The following KCNJ15 variants were observed in gnomAD, a reference collection of about 807,000 sequenced individuals.
The protein encoded by KCNJ15 is ATP-sensitive inward rectifier potassium channel 15.
Under a neutral mutation model 23.0 loss-of-function variants are expected in KCNJ15, and 14 were observed. The observed-to-expected ratio is 0.61, with a 90% confidence interval of 0.40 to 0.95. KCNJ15 has a LOEUF of 0.95. Ranked by LOEUF, KCNJ15 falls within the 40% of genes least tolerant of loss-of-function variation. The pLI is 0.00. For missense variants in KCNJ15, 388 were observed against 461.8 expected (o/e 0.84, Z 1.46); for synonymous variants, 185 against 183.2 (o/e 1.01, Z -0.08).
rs1985562254 is a variant in KCNJ15 at position 38,299,728 on chromosome 21, T to C, written c.467T>C (p.Ile156Thr). The C allele has an allele frequency of 1.2e-6, 2 of 1,614,164 alleles. No individual in the cohort carries two copies. Among genetic ancestry groups the C allele is most frequent in the Admixed American group, 1.7e-5 (1 of 60,024 alleles). ...GCTCAGTTGGTCATCACGACCTTGA[T>C]TGAGATCTTCATCACCGGAACCTTC... Reference protein sequence around the residue: ...LVAQLVITTLIEIFITGTFLA... With the variant: ...LVAQLVITTLTEIFITGTFLA... The change falls in exon 3 of 3, where the codon ATT becomes ACT. Residue 156 changes from isoleucine (I) to threonine (T), a missense_variant. Physicochemically the swap from Ile to Thr is moderately conservative, Grantham distance 89 (BLOSUM62 -1). Transcript: ENST00000398938. The surrounding 1 kb of genome is among the most constrained non-coding windows in gnomAD (Gnocchi z 4.5).
At chr21:38,288,664 G>A (rs1984244422) in intron 1 of KCNJ15, among the ~76,000 whole-genome samples, 1 of 152,212 alleles carries the variant, frequency 6.6e-6, no homozygotes, top group Non-Finnish European at 1.5e-5. Flanking sequence ...AAAGATAAAT[G>A]TGAGTGGTAA....
At position 38,300,295 on chromosome 21, in the gene KCNJ15, A is replaced by T; in HGVS notation, c.1034A>T (p.Asp345Val). The T allele has an allele frequency of 6.2e-7, 1 of 1,613,924 alleles. No individual in the cohort carries two copies. The highest frequency in any genetic ancestry group is 8.5e-7 in the Non-Finnish European group (1 of 1,179,766). Residue 345 changes from aspartate (D) to valine (V), a missense_variant, in exon 3 of 3, where the codon GAT becomes GTT. Coordinates refer to ENST00000398938, the MANE Select transcript of KCNJ15 (RefSeq NM_170736.3). Reference sequence around the variant, plus strand: ...CCAGATTGCACATTTTACTGTGCAGATTCTGAGAAACAGCAACTCGAGGAG... The same window carrying T: ...CCAGATTGCACATTTTACTGTGCAGTTTCTGAGAAACAGCAACTCGAGGAG... ...KSPDCTFYCA[D>V]SEKQQLEEKY...
At chr21:38,246,048 T>C (rs1979353165) in intron 1 of KCNJ15, among the ~76,000 whole-genome samples, 1 of 152,248 alleles carries the variant, frequency 6.6e-6, no homozygotes, top group Admixed American at 6.5e-5. Flanking sequence ...ATAATACCTG[T>C]CTTACATACT....
chr21:38,238,640 C>T, intron 1 of KCNJ15: 1 of 579,766 alleles, frequency 1.7e-6, no homozygotes. Flanking sequence ...GGGTTGTGGG[C>T]TGACACGGAA....
chr21:38,271,794 T>C (rs1435078470), intron 1 of KCNJ15, among the ~76,000 whole-genome samples: 3 of 152,130 alleles, frequency 2.0e-5, no homozygotes, highest in Non-Finnish European at 2.9e-5. Flanking sequence ...TAGGAACACA[T>C]GGCACAGGGA....
intron 1 of KCNJ15, among the ~76,000 whole-genome samples, chr21:38,237,829 C>T (rs938273328): frequency 1.6e-4 from 24 of 152,086 alleles, no homozygotes; most frequent in African/African-American, 5.8e-4. Context: ...AGAGAGCTAC[C>T]CTTTGGGACA....
At chr21:38,242,635 G>A (rs971873463) in intron 1 of KCNJ15, among the ~76,000 whole-genome samples, 10 of 152,116 alleles carry the variant, frequency 6.6e-5, no homozygotes, top group African/African-American at 2.2e-4. Context: ...CACACGCCCA[G>A]CATCTCTCTT....
intron 1 of KCNJ15, among the ~76,000 whole-genome samples, chr21:38,280,025 C>G (rs1271264071): frequency 1.3e-5 from 2 of 152,132 alleles, no homozygotes; most frequent in Non-Finnish European, 2.9e-5. Context: ...GGAACAACTC[C>G]CCTCAAGTGG....
intron 1 of KCNJ15, among the ~76,000 whole-genome samples, chr21:38,250,843 A>G (rs1430321278): frequency 1.3e-5 from 2 of 152,244 alleles, no homozygotes; most frequent in African/African-American, 4.8e-5. Flanking sequence ...TCAGGGTGAT[A>G]ATCGCATTTT....
Position 38,291,246 on chromosome 21 carries a change from T to G in KCNJ15, c.-116-5680T>G, listed in dbSNP as rs1342580123. Among the ~76,000 whole-genome samples, 8 of 152,148 alleles carry G rather than the reference T, an allele frequency of 5.3e-5. 1 individual carries two copies. Among genetic ancestry groups the G allele is most frequent in the African/African-American group, 1.9e-4 (8 of 41,428 alleles). The stretch of plus-strand genomic sequence containing the variant: ...CACACTTCAGCAAGAGAACCCCTAA[T>G]GTCCTCCAGCCTTAACTTTCCCATC... On this transcript the variant is annotated intron_variant, in intron 1 of 2. Coordinates refer to ENST00000398938, the MANE Select transcript of KCNJ15 (RefSeq NM_170736.3).
chr21:38,261,812 TA>T (rs1379674639), intron 1 of KCNJ15, among the ~76,000 whole-genome samples: 3 of 152,320 alleles, frequency 2.0e-5, no homozygotes, highest in East Asian at 3.9e-4. Flanking sequence ...CCTAGAATGG[TA>T]TTGAATGCAT....
At position 38,300,473 on chromosome 21, in the gene KCNJ15, G is replaced by GA. The variant is rs1985681743; in HGVS notation, c.*88dup. 1.6e-6 allele frequency: 2 copies of GA among 1,250,878 alleles called. No individual in the cohort carries two copies. The highest frequency in any genetic ancestry group is 3.0e-5 in the South Asian group (2 of 67,086). 77.5% of individuals were successfully genotyped at this position (1,250,878 alleles called of 1,614,324 possible). A position where few individuals can be genotyped will look rare whatever the true frequency, so the allele number is the denominator to read the frequency against. ...CAAACACAAAGATTGCTGTGAAAAC[G>GA]AAAATGTGTAGACGCACTCTCAAAA... On this transcript the variant is annotated 3_prime_UTR_variant, in exon 3 of 3. Transcript: ENST00000398938.
chr21:38,230,145 T>G (rs7283194), intron 1 of KCNJ15, among the ~76,000 whole-genome samples: 9,763 of 152,188 alleles, frequency 0.064, 678 homozygotes, highest in African/African-American at 0.17. Context: ...TTACCACCCA[T>G]AACGTTTGAA....
In KCNJ15 at chr21:38,306,566, C is replaced by T. The variant is rs1191942078; in HGVS notation, c.*6177C>T. 6.6e-6 allele frequency: 1 copy of T among 152,128 alleles called. No homozygotes were observed. The highest frequency in any genetic ancestry group is 1.9e-4 in the East Asian group (1 of 5,192). 9.4% of individuals were successfully genotyped at this position (152,128 alleles called of 1,614,324 possible). On this transcript the variant is annotated 3_prime_UTR_variant, in exon 3 of 3. Coordinates refer to ENST00000398938, the MANE Select transcript of KCNJ15 (RefSeq NM_170736.3). Reference sequence around the variant, plus strand: ...TGTATTCTTTCATCTGCAATCAAATCTCAGGATTAAGGATGTCGTATTACA... The same window carrying T: ...TGTATTCTTTCATCTGCAATCAAATTTCAGGATTAAGGATGTCGTATTACA...
rs569109377 is a variant in KCNJ15 at position 38,297,889 on chromosome 21, C to G, written c.-19+866C>G. On this transcript the variant is annotated intron_variant, in intron 2 of 2. Transcript: ENST00000398938. ...AGGAAAATTAAAATGCCCAGCAGAC[C>G]CATTGCCTCCTGAACAGGTGTTTGC... is the stretch of plus-strand genomic sequence containing the variant. Among the ~76,000 whole-genome samples, 275 of 152,204 alleles carry G rather than the reference C, an allele frequency of 1.8e-3. 2 individuals are homozygous for G. Among genetic ancestry groups the G allele is most frequent in the African/African-American group, 6.1e-3 (252 of 41,524 alleles).
intron 1 of KCNJ15, among the ~76,000 whole-genome samples, chr21:38,296,263 G>A (rs935627149): frequency 1.4e-5 from 2 of 144,510 alleles, no homozygotes; most frequent in Non-Finnish European, 3.0e-5. Flanking sequence ...AGAGATAATT[G>A]ATAGATAATA....
chr21:38,245,891 G>A (rs1204620936), intron 1 of KCNJ15, among the ~76,000 whole-genome samples: 1 of 152,184 alleles, frequency 6.6e-6, no homozygotes, highest in Non-Finnish European at 1.5e-5. Context: ...ACTGAATTCA[G>A]AGGTGGCTGT....
At chr21:38,268,342 G>T (rs1981679237) in intron 1 of KCNJ15, among the ~76,000 whole-genome samples, 1 of 151,910 alleles carries the variant, frequency 6.6e-6, no homozygotes, top group South Asian at 2.1e-4. Context: ...CTATATTCTG[G>T]TTTTTCAGTG....
chr21:38,245,870 C>T (rs1185488543), intron 1 of KCNJ15, among the ~76,000 whole-genome samples: 1 of 152,102 alleles, frequency 6.6e-6, no homozygotes, highest in Non-Finnish European at 1.5e-5. Context: ...ACCCTGAGAC[C>T]ACCCACAAAG....
Sources: allele counts gnomAD v4.1 joint callset (sites outside exome capture counted in the v4.1 genomes callset), GRCh38; gene constraint gnomAD v4.1.1; non-coding constraint Gnocchi (gnomAD v3.1); transcripts MANE v1.5; gene names NCBI Gene and HGNC (gene_info 2026-07-23, HGNC 2026-07-21).